The following SCGB2B2 variants were observed in gnomAD, a reference collection of about 807,000 sequenced individuals.
SCGB2B2 encodes the protein secretoglobin-like protein.
Under a neutral mutation model 7.6 loss-of-function variants are expected in SCGB2B2, and 11 were observed. The ratio of observed to expected loss-of-function variants is 1.45; its 90% confidence interval spans 0.91 to 2.40. The LOEUF is 2.40. Among genes scored for constraint, SCGB2B2 ranks in the 30% most tolerant of loss-of-function variants. SCGB2B2 has a pLI of 0.00. For synonymous variants in SCGB2B2, 50 were observed against 48.6 expected (o/e 1.03, Z -0.12); for missense variants, 104 against 115.4 (o/e 0.90, Z 0.45).
intron 1 of SCGB2B2, among the ~76,000 whole-genome samples, chr19:34,623,275 A>G (rs2066285700): frequency 6.6e-6 from 1 of 152,166 alleles, no homozygotes; most frequent in Non-Finnish European, 1.5e-5. Flanking sequence ...ACTTTCCTAA[A>G]GCAAACTTCA....
intron 1 of SCGB2B2, among the ~76,000 whole-genome samples, chr19:34,599,226 G>A (rs1005710003): frequency 6.6e-6 from 1 of 152,252 alleles, no homozygotes; most frequent in African/African-American, 2.4e-5. Context: ...TCCCACAGCA[G>A]AGGGATCTAT....
intron 1 of SCGB2B2, among the ~76,000 whole-genome samples, chr19:34,628,043 G>A (rs1362727145): frequency 1.3e-5 from 2 of 152,056 alleles, no homozygotes; most frequent in Non-Finnish European, 2.9e-5. Context: ...ACAAAATGAA[G>A]GCAGAAATAA....
intron 1 of SCGB2B2, among the ~76,000 whole-genome samples, chr19:34,625,899 C>T (rs190240027): frequency 3.9e-5 from 6 of 152,240 alleles, no homozygotes; most frequent in African/African-American, 7.2e-5. Flanking sequence ...CTCACACAGC[C>T]GGGTACTCCT....
chr19:34,662,526 C>CAT (rs1160943106), intron 1 of SCGB2B2, among the ~76,000 whole-genome samples: 4 of 151,746 alleles, frequency 2.6e-5, no homozygotes, highest in African/African-American at 9.7e-5. Flanking sequence ...CACACACACA[C>CAT]ACAACATGAA....
intron 1 of SCGB2B2, among the ~76,000 whole-genome samples, chr19:34,675,200 T>G (rs2067892614): frequency 6.6e-6 from 1 of 152,180 alleles, no homozygotes. Flanking sequence ...AACCATAAAC[T>G]CTGGTAGGAG....
At chr19:34,633,319 T>C (rs1395467081) in intron 1 of SCGB2B2, among the ~76,000 whole-genome samples, 2 of 152,228 alleles carry the variant, frequency 1.3e-5, no homozygotes, top group African/African-American at 4.8e-5. Flanking sequence ...GAAAGACTAG[T>C]ACATGAATGT....
intron 1 of SCGB2B2, chr19:34,640,445 G>A (rs2066809324): frequency 6.6e-6 from 1 of 152,074 alleles, no homozygotes; most frequent in Non-Finnish European, 1.5e-5. Flanking sequence ...TCATGTTGGG[G>A]ACTTGTGCTG....
downstream of SCGB2B2, among the ~76,000 whole-genome samples, chr19:34,588,629 G>A (rs1270952427): frequency 6.6e-6 from 1 of 152,232 alleles, no homozygotes; most frequent in Non-Finnish European, 1.5e-5. Context: ...CCCCACAGGG[G>A]TCGGATGCTC....
chr19:34,630,248 C>G (rs1212874504), intron 1 of SCGB2B2, among the ~76,000 whole-genome samples: 1 of 151,826 alleles, frequency 6.6e-6, no homozygotes, highest in Admixed American at 6.6e-5. Flanking sequence ...GCAACAAATG[C>G]CAAAATTGAC....
intron 1 of SCGB2B2, among the ~76,000 whole-genome samples, chr19:34,666,334 C>T (rs2067620780): frequency 6.6e-6 from 1 of 152,138 alleles, no homozygotes; most frequent in Non-Finnish European, 1.5e-5. Flanking sequence ...ACCTCAGGTA[C>T]CAAACACCCC....
intron 1 of SCGB2B2, among the ~76,000 whole-genome samples, chr19:34,660,530 A>T (rs907401136): frequency 1.3e-5 from 2 of 152,278 alleles, no homozygotes; most frequent in Non-Finnish European, 2.9e-5. Flanking sequence ...AGATATATGA[A>T]AAAATGCTCA....
At chr19:34,617,325 T>C (rs2145875991) in intron 1 of SCGB2B2, among the ~76,000 whole-genome samples, 1 of 151,652 alleles carries the variant, frequency 6.6e-6, no homozygotes, top group Middle Eastern at 3.4e-3. Flanking sequence ...GAGCATGGAA[T>C]GTTCTTCCAT....
chr19:34,621,129 C>T (rs1233208889), intron 1 of SCGB2B2, among the ~76,000 whole-genome samples: 1 of 152,102 alleles, frequency 6.6e-6, no homozygotes, highest in Non-Finnish European at 1.5e-5. Flanking sequence ...AATATTTTAT[C>T]TAAGTGCTTA....
intron 1 of SCGB2B2, among the ~76,000 whole-genome samples, chr19:34,615,953 C>A (rs909802155): frequency 6.6e-6 from 1 of 151,124 alleles, no homozygotes; most frequent in Non-Finnish European, 1.5e-5. Context: ...GTTTTTTGTT[C>A]TTGCAATAGT....
At chr19:34,589,869 C>T (rs773853669), downstream of SCGB2B2, among the ~76,000 whole-genome samples, 7 of 151,992 alleles carry the variant, frequency 4.6e-5, no homozygotes, top group East Asian at 1.9e-4. Context: ...TTCCTGGAGC[C>T]GCAGGTGCTG....
At chr19:34,666,297 G>A (rs57357097) in intron 1 of SCGB2B2, among the ~76,000 whole-genome samples, 1 of 151,904 alleles carries the variant, frequency 6.6e-6, no homozygotes, top group East Asian at 1.9e-4. Context: ...AATCACAGAC[G>A]CTTGTCCCAC....
intron 1 of SCGB2B2, among the ~76,000 whole-genome samples, chr19:34,672,046 C>A (rs1035023481): frequency 1.3e-5 from 2 of 152,010 alleles, no homozygotes; most frequent in African/African-American, 4.8e-5. Flanking sequence ...GAGGCTGAAG[C>A]GAGTGAACTG....
chr19:34,589,433 C>T (rs1229460146), downstream of SCGB2B2, among the ~76,000 whole-genome samples: 1 of 152,150 alleles, frequency 6.6e-6, no homozygotes, highest in Admixed American at 6.5e-5. Flanking sequence ...ACCTGAGTGA[C>T]AGGTCTGAGG....
At chr19:34,644,574 C>T (rs2066942729) in intron 1 of SCGB2B2, among the ~76,000 whole-genome samples, 1 of 152,112 alleles carries the variant, frequency 6.6e-6, no homozygotes, top group African/African-American at 2.4e-5. Flanking sequence ...TGTAACCTCT[C>T]TTCTACTTTT....
Sources: gnomAD v4.1 joint callset for allele counts (sites outside exome capture counted in the v4.1 genomes callset) on GRCh38, gnomAD v4.1.1 for gene constraint, MANE v1.5 for transcripts, NCBI Gene and HGNC (gene_info 2026-07-23, HGNC 2026-07-21) for gene names.